Variants in GRIN2D observed in about 807,000 individuals in gnomAD.
GRIN2D encodes glutamate ionotropic receptor NMDA type subunit 2D.
GRIN2D carries 37 observed loss-of-function variants against 103.2 expected under a neutral mutation model. The observed-to-expected ratio is 0.36, with a 90% CI of 0.28 to 0.47. The LOEUF is 0.47. GRIN2D is among the 20% of genes least tolerant of loss of function. The probability of loss-of-function intolerance (pLI) is 1.00; values close to 1 mark genes in which losing one functional copy is unlikely to be tolerated. For synonymous variants in GRIN2D, 845 were observed against 885.6 expected, an observed-to-expected ratio of 0.95 and a Z score of 0.81; for missense variants, 1,557 against 1,910.6, an observed-to-expected ratio of 0.81 and a Z score of 3.45.
intron 11 of GRIN2D, among the ~76,000 whole-genome samples, chr19:48,435,371 C>T (rs552628751): frequency 1.4e-5 from 2 of 138,506 alleles, no homozygotes; most frequent in South Asian, 2.4e-4. Flanking sequence ...CTCACTGCAA[C>T]GTCCGCCTCC....
In GRIN2D at chr19:48,416,132, C is replaced by T; in HGVS notation, c.1712C>T (p.Thr571Met). ...GTCATGGTGGCGCGCAGCAATGGCA[C>T]GGTGTCCCCCTCGGCCTTCCTCGGT... ...ISVMVARSNG[T>M]VSPSAFLEPY... The change falls in exon 8 of 14, where the codon ACG becomes ATG. Residue 571 changes from threonine to methionine, a missense_variant. By Grantham distance (81) the Thr-to-Met change is moderately conservative. Around this residue, in one of 7 missense-constraint regions of GRIN2D, gnomAD observed 197 missense variants for 334.1 expected, o/e 0.59. Coordinates refer to ENST00000263269, the MANE Select transcript of GRIN2D (RefSeq NM_000836.4). The T allele has an allele frequency of 1.2e-6, 2 of 1,613,918 alleles. No homozygotes were observed. Among genetic ancestry groups the T allele is most frequent in the Non-Finnish European group, 1.7e-6 (2 of 1,179,970 alleles).
In GRIN2D at chr19:48,442,457, G is replaced by C. The variant is rs1438485149; in HGVS notation, c.2673+75G>C. ...CAAAGGTAAAGCCGAGCAGAGACAAGGAGATGTGGGTCGAGATGTGGATAG... is the reference window on the plus strand; with the variant it reads ...CAAAGGTAAAGCCGAGCAGAGACAACGAGATGTGGGTCGAGATGTGGATAG... On this transcript the variant is annotated intron_variant, in intron 13 of 13. Transcript: ENST00000263269. This position sits in a 1 kb window ranked among gnomAD's most constrained non-coding sequence, Gnocchi z 7.2. 1.9e-5 allele frequency: 30 copies of C among 1,547,626 alleles called. No homozygotes were observed. The highest frequency in any genetic ancestry group is 6.1e-6 in the Non-Finnish European group (7 of 1,140,546).
At chr19:48,413,912 G>C in intron 4 of GRIN2D, 79 bp from the exon 5 acceptor site, 2 of 820,744 alleles carry the variant, frequency 2.4e-6, no homozygotes, top group Non-Finnish European at 4.3e-6. Flanking sequence ...CTGGTCTGCA[G>C]AAAGGGGACT....
chr19:48,415,137 G>C, intron 7 of GRIN2D, 105 bp downstream of exon 7: 2 of 1,070,716 alleles, frequency 1.9e-6, no homozygotes, highest in Admixed American at 5.1e-5. Context: ...TTGGGAAGCC[G>C]AGGCGGGCGA....
chr19:48,437,722 C>T (rs780080603), intron 11 of GRIN2D, among the ~76,000 whole-genome samples: 6 of 152,184 alleles, frequency 3.9e-5, no homozygotes, highest in Non-Finnish European at 8.8e-5. Flanking sequence ...CACATTCTTC[C>T]CACTTAAACA....
chr19:48,419,855 G>C (rs1338117290), intron 10 of GRIN2D, 41 bp downstream of exon 10: 9 of 1,275,462 alleles, frequency 7.1e-6, no homozygotes, highest in Non-Finnish European at 9.8e-6. Flanking sequence ...TGGGGCTGGG[G>C]CTGGAGGTCA....
chr19:48,419,012 C>G (rs1970980874), intron 8 of GRIN2D, among the ~76,000 whole-genome samples: 1 of 151,146 alleles, frequency 6.6e-6, no homozygotes, highest in South Asian at 2.1e-4. Context: ...TTGTTCCCTG[C>G]TGGTAGTACC....
Position 48,443,296 on chromosome 19 carries a change from G to T in GRIN2D, c.3370G>T (p.Ala1124Ser). The change falls in exon 14 of 14, where the codon GCG becomes TCG. Residue 1124 changes from alanine to serine, a missense_variant. Transcript: ENST00000263269. This position sits in a 1 kb window ranked among gnomAD's most constrained non-coding sequence, Gnocchi z 8.9. ...GGAGGACTCGGAGAGCCTGGGCGGCGCGTCGCTGGGCGGCCTGGAGCCCTG... is the reference window on the plus strand; with the variant it reads ...GGAGGACTCGGAGAGCCTGGGCGGCTCGTCGCTGGGCGGCCTGGAGCCCTG... ...DSEDSESLGG[A>S]SLGGLEPWWF... 6.5e-7 allele frequency: 1 copy of T among 1,540,596 alleles called. No homozygotes were observed. The highest frequency in any genetic ancestry group is 8.7e-7 in the Non-Finnish European group (1 of 1,153,308).
chr19:48,398,514 C>A lies in GRIN2D; in HGVS notation c.122C>A (p.Pro41His). ...EAPGPGGAGG[P>H]GGGLGGARPL... is the part of the protein sequence containing the mutation. ...CCGGGGCCGGGCGGGGCCGGTGGGC[C>A]CGGCGGCGGCCTCGGCGGGGCGCGG... Residue 41 changes from proline to histidine, a missense_variant, in exon 3 of 14, where the codon CCC (proline) becomes CAC (histidine). This residue lies in a region of GRIN2D where 490 missense variants were observed against 601.1 expected (regional missense o/e 0.82). Coordinates refer to ENST00000263269, the MANE Select transcript of GRIN2D (RefSeq NM_000836.4). 1 of 1,014,862 alleles carries A rather than the reference C, an allele frequency of 9.9e-7. No homozygotes were observed. Among genetic ancestry groups the A allele is most frequent in the Non-Finnish European group, 1.2e-6 (1 of 851,396 alleles). The allele number at this position is 1,014,862 out of a possible 1,614,324, so 62.9% of individuals were successfully genotyped here.
chr19:48,435,371 C>A (rs552628751), intron 11 of GRIN2D, among the ~76,000 whole-genome samples: 1 of 138,578 alleles, frequency 7.2e-6, no homozygotes, highest in South Asian at 2.4e-4. Context: ...CTCACTGCAA[C>A]GTCCGCCTCC....
At chr19:48,441,377 A>G (rs1600996228) in intron 11 of GRIN2D, among the ~76,000 whole-genome samples, 1 of 151,160 alleles carries the variant, frequency 6.6e-6, no homozygotes, top group Non-Finnish European at 1.5e-5. Context: ...AAAAAAAAAA[A>G]AAAAAAAAGA....
chr19:48,419,617 T>G lies in GRIN2D; in HGVS notation c.1894T>G (p.Ser632Ala), dbSNP rs1970993072. ...PGGSTFTIGK[S>A]IWLLWALVFN... Reference sequence around the variant, plus strand: ...CGGTTCAACCTTCACCATTGGGAAATCCATCTGGCTGCTCTGGGCCCTGGT... The same window carrying G: ...CGGTTCAACCTTCACCATTGGGAAAGCCATCTGGCTGCTCTGGGCCCTGGT... The change falls in exon 10 of 14, where the codon TCC becomes GCC. Residue 632 changes from serine to alanine, a missense_variant. By Grantham distance (99) the Ser-to-Ala change is moderately conservative. Transcript: ENST00000263269. The G allele has an allele frequency of 6.2e-7, 1 of 1,612,946 alleles. No homozygotes were observed. Among genetic ancestry groups the G allele is most frequent in the Non-Finnish European group, 8.5e-7 (1 of 1,179,790 alleles).
intron 8 of GRIN2D, 110 bp from the exon 9 acceptor site, chr19:48,419,124 C>T: frequency 1.1e-6 from 1 of 932,392 alleles, no homozygotes; most frequent in Non-Finnish European, 1.6e-6. Flanking sequence ...AGTGATCCTC[C>T]TGCCTCAGCC....
intron 4 of GRIN2D, among the ~76,000 whole-genome samples, chr19:48,410,301 G>T (rs529479475): frequency 6.7e-6 from 1 of 149,928 alleles, no homozygotes; most frequent in Non-Finnish European, 1.5e-5. Context: ...AGGCCGAGGC[G>T]GGCGGATCAC....
At position 48,421,812 on chromosome 19, in the gene GRIN2D, C is replaced by T. The variant is rs762071940; in HGVS notation, c.2119C>T (p.Pro707Ser). ...KFQRPQEQYPPLKFGTVPNGS... is the reference protein window; with the variant it reads ...KFQRPQEQYPSLKFGTVPNGS... ...CCAGAGGCCCCAGGAGCAGTACCCGCCCCTGAAGTTTGGGACCGTGCCCAA... is the reference window on the plus strand; with the variant it reads ...CCAGAGGCCCCAGGAGCAGTACCCGTCCCTGAAGTTTGGGACCGTGCCCAA... Residue 707 changes from proline to serine, a missense_variant, in exon 11 of 14, where the codon CCC becomes TCC. Transcript: ENST00000263269. This position sits in a 1 kb window ranked among gnomAD's most constrained non-coding sequence, Gnocchi z 4.8. 3.1e-6 allele frequency: 5 copies of T among 1,614,108 alleles called. No homozygotes were observed. The highest frequency in any genetic ancestry group is 4.2e-6 in the Non-Finnish European group (5 of 1,179,988).
In GRIN2D at chr19:48,414,327, C is replaced by T. The variant is rs1328716893; in HGVS notation, c.1201-46C>T. ...GAGGATCATGGAGGCCAGGATACAC[C>T]GGGAAGTCTTCCCAGGAAGCCTGAC... is the stretch of plus-strand genomic sequence containing the variant. On this transcript the variant is annotated intron_variant, in intron 5 of 13. Transcript: ENST00000263269. The surrounding 1 kb of genome is among the most constrained non-coding windows in gnomAD (Gnocchi z 4.6). 4 of 1,462,468 alleles carry T rather than the reference C, an allele frequency of 2.7e-6. No homozygotes were observed. In the South Asian group the frequency reaches 3.6e-5, roughly 13 times the overall value. The allele number at this position is 1,462,468 out of a possible 1,614,324, so 90.6% of individuals were successfully genotyped here. A position where few individuals can be genotyped will look rare whatever the true frequency, so the allele number is the denominator to read the frequency against.
At chr19:48,433,223 C>T (rs1971180783) in intron 11 of GRIN2D, among the ~76,000 whole-genome samples, 1 of 151,310 alleles carries the variant, frequency 6.6e-6, no homozygotes, top group Non-Finnish European at 1.5e-5. Context: ...CAAAAATTAG[C>T]CGGGCATGAT....
chr19:48,396,297 G>T (rs276712), intron 2 of GRIN2D, among the ~76,000 whole-genome samples: 14 of 151,976 alleles, frequency 9.2e-5, no homozygotes, highest in Admixed American at 2.6e-4. Flanking sequence ...GCCCTGGAGT[G>T]GGGGAGGCTG....
rs117513518 is a variant in GRIN2D, at chr19:48,425,803, A to C, written c.2252+3858A>C. ...TCATCTTTTTTTTATTGAGATATAT[A>C]CATAGATACAGTGAGGTACAGTGAG... On this transcript the variant is annotated intron_variant, in intron 11 of 13. Transcript: ENST00000263269. 1.1e-4 allele frequency among the ~76,000 whole-genome samples: 16 copies of C among 152,260 alleles called. No individual in the cohort carries two copies. The East Asian group carries it at 3.1e-3, about 29-fold the overall frequency.
Sources: allele counts gnomAD v4.1 joint callset (sites outside exome capture counted in the v4.1 genomes callset), GRCh38; gene constraint gnomAD v4.1.1; regional missense constraint gnomAD v4.1.1; non-coding constraint Gnocchi (gnomAD v3.1); transcripts MANE v1.5; gene names NCBI Gene and HGNC (gene_info 2026-07-23, HGNC 2026-07-21).